The following CD247 variants were observed in gnomAD, a reference collection of about 807,000 sequenced individuals.
The protein encoded by CD247 is CD247 molecule.
Under a neutral mutation model 30.0 loss-of-function variants are expected in CD247, and 13 were observed. The observed-to-expected ratio is 0.43, with a 90% CI of 0.28 to 0.69. CD247 has a LOEUF of 0.69. Among genes scored for constraint, CD247 ranks in the 30% least tolerant of loss-of-function variants. CD247 has a pLI of 0.16. For missense variants in CD247, 193 were observed against 212.6 expected, an observed-to-expected ratio of 0.91 and a Z score of 0.57; for synonymous variants, 72 against 80.0, an observed-to-expected ratio of 0.90 and a Z score of 0.53.
At chr1:167,483,778 T>G (rs1215111906) in intron 1 of CD247, among the ~76,000 whole-genome samples, 3 of 152,182 alleles carry the variant, frequency 2.0e-5, no homozygotes, top group Non-Finnish European at 2.9e-5. Flanking sequence ...ATGAAAGGAT[T>G]TTATATTTGC....
chr1:167,441,488 C>G (rs1651829329), intron 1 of CD247, among the ~76,000 whole-genome samples: 1 of 152,164 alleles, frequency 6.6e-6, no homozygotes, highest in Admixed American at 6.5e-5. Flanking sequence ...CTCCCCTCCT[C>G]CCACTACACA....
At chr1:167,490,525 A>AGGCAGGAGAATCCCTTGAACCTGC (rs1654402650) in intron 1 of CD247, among the ~76,000 whole-genome samples, 1 of 152,138 alleles carries the variant, frequency 6.6e-6, no homozygotes, top group African/African-American at 2.4e-5. Context: ...CCGGAGGCTG[A>AGGCAGGAGAATCCCTTGAACCTGC]GGCAGGAGAA....
chr1:167,455,687 C>A (rs2949661), intron 1 of CD247, among the ~76,000 whole-genome samples: 1 of 152,104 alleles, frequency 6.6e-6, no homozygotes, highest in Non-Finnish European at 1.5e-5. Flanking sequence ...ACTTGCGGTC[C>A]CTTGTCCCCG....
chr1:167,475,407 C>T (rs558776046), intron 1 of CD247, among the ~76,000 whole-genome samples: 11 of 152,182 alleles, frequency 7.2e-5, no homozygotes, highest in East Asian at 5.8e-4. Context: ...GGGAAGAAAT[C>T]GAACACTTAT....
At chr1:167,439,646 T>C in intron 2 of CD247, 5 of 566,346 alleles carry the variant, frequency 8.8e-6, no homozygotes, top group Non-Finnish European at 1.6e-5. Flanking sequence ...CAGGACCCGC[T>C]GGAGTTTATT....
chr1:167,493,037 C>CTTTTTTTTTTTTTTTTTTTTTTTTTTTTT (rs60850667), intron 1 of CD247, among the ~76,000 whole-genome samples: 1 of 80,366 alleles, frequency 1.2e-5, no homozygotes, highest in Admixed American at 1.9e-4. Context: ...AATTTTTCTC[C>CTTTTTTTTTTTTTTTTTTTTTTTTTTTTT]TTTTTTTTTT....
chr1:167,463,810 C>T (rs904709940), intron 1 of CD247, among the ~76,000 whole-genome samples: 3 of 152,186 alleles, frequency 2.0e-5, no homozygotes, highest in Non-Finnish European at 2.9e-5. Flanking sequence ...TTTAAATCAG[C>T]GATTCATTTG....
chr1:167,496,328 T>G (rs367831238), intron 1 of CD247, among the ~76,000 whole-genome samples: 6 of 152,148 alleles, frequency 3.9e-5, no homozygotes, highest in African/African-American at 1.4e-4. Context: ...GGAAGAGAGG[T>G]TGGACTAGAT....
intron 1 of CD247, among the ~76,000 whole-genome samples, chr1:167,472,093 G>T (rs1043488963): frequency 6.6e-6 from 1 of 151,776 alleles, no homozygotes; most frequent in Non-Finnish European, 1.5e-5. Flanking sequence ...CTCAGCCTCC[G>T]AAAGTGCTAG....
chr1:167,469,515 C>T (rs1277214039), intron 1 of CD247, among the ~76,000 whole-genome samples: 1 of 152,216 alleles, frequency 6.6e-6, no homozygotes, highest in African/African-American at 2.4e-5. Context: ...GGACACTTAA[C>T]TACACTCATT....
chr1:167,480,115 TC>T (rs1361181903), intron 1 of CD247, among the ~76,000 whole-genome samples: 1 of 152,144 alleles, frequency 6.6e-6, no homozygotes, highest in Non-Finnish European at 1.5e-5. Context: ...GTTCTTTAGA[TC>T]TGGAAGGATA....
intron 1 of CD247, among the ~76,000 whole-genome samples, chr1:167,497,336 C>A (rs12117385): frequency 0.012 from 1,896 of 152,070 alleles, 10 homozygotes; most frequent in Middle Eastern, 0.048. Context: ...CAAGTTTTCC[C>A]CAATAAGTAT....
rs547107959 is a variant in CD247, at chr1:167,488,662, T to C, written c.58+29746A>G. ...GCTAAACCTGGATTTTGCAAGAAAG[T>C]ACACAGATGGGCCTAGGAGAAAGTT... On this transcript the variant is annotated intron_variant, in intron 1 of 7. Coordinates refer to ENST00000362089, the MANE Select transcript of CD247 (RefSeq NM_198053.3). Among the ~76,000 whole-genome samples the C allele has an allele frequency of 1.3e-3, 202 of 152,334 alleles. 5 individuals carry two copies. The highest frequency in any genetic ancestry group is 1.9e-4 in the Non-Finnish European group (13 of 68,028).
chr1:167,509,521 C>T (rs1655296013), intron 1 of CD247, among the ~76,000 whole-genome samples: 1 of 152,108 alleles, frequency 6.6e-6, no homozygotes, highest in South Asian at 2.1e-4. Context: ...GCGTGTTTGC[C>T]TATTTTAGCC....
chr1:167,509,141 T>C (rs858549), intron 1 of CD247, among the ~76,000 whole-genome samples: 114,309 of 152,010 alleles, frequency 0.75, 43,158 homozygotes, highest in African/African-American at 0.8. Context: ...CCGAGGCAGG[T>C]GGATCACTTG....
Position 167,496,036 on chromosome 1 carries a change from T to C in CD247, c.58+22372A>G, listed in dbSNP as rs140420893. Among the ~76,000 whole-genome samples, 318 of 152,320 alleles carry C rather than the reference T, an allele frequency of 2.1e-3. 1 individual carries two copies. Among genetic ancestry groups the C allele is most frequent in the African/African-American group, 6.3e-3 (262 of 41,580 alleles). On this transcript the variant is annotated intron_variant, in intron 1 of 7. Transcript: ENST00000362089. ...TGTTAGTTCTATATGGGATCTGGGATTTTGTTGCTGCTGTGGTTCAGTTTG... is the reference window on the plus strand; with the variant it reads ...TGTTAGTTCTATATGGGATCTGGGACTTTGTTGCTGCTGTGGTTCAGTTTG...
intron 1 of CD247, among the ~76,000 whole-genome samples, chr1:167,483,017 T>TTCTTTC (rs761279615): frequency 7.5e-6 from 1 of 133,330 alleles, no homozygotes; most frequent in African/African-American, 2.7e-5. Context: ...TCTTTCTTTT[T>TTCTTTC]TTTTTTTTGA....
At chr1:167,489,621 G>A (rs1209595185) in intron 1 of CD247, among the ~76,000 whole-genome samples, 2 of 152,154 alleles carry the variant, frequency 1.3e-5, no homozygotes, top group Non-Finnish European at 2.9e-5. Context: ...GCAGGGACTT[G>A]GCTCACTTTT....
chr1:167,510,905 C>A (rs1026548313), intron 1 of CD247, among the ~76,000 whole-genome samples: 4 of 152,192 alleles, frequency 2.6e-5, no homozygotes, highest in Non-Finnish European at 5.9e-5. Flanking sequence ...CTCTTCCCAA[C>A]CCTCCTCTCA....
Sources: gnomAD v4.1 joint callset for allele counts (sites outside exome capture counted in the v4.1 genomes callset) on GRCh38, gnomAD v4.1.1 for gene constraint, MANE v1.5 for transcripts, NCBI Gene and HGNC (gene_info 2026-07-23, HGNC 2026-07-21) for gene names.